Variants in TCF4 observed in about 807,000 individuals in gnomAD.
The protein encoded by TCF4 is SL3-3 enhancer factor 2.
TCF4 carries 3 observed loss-of-function variants against 82.1 expected under a neutral mutation model. The ratio of observed to expected loss-of-function variants is 0.04; its 90% CI spans 0.02 to 0.09. The LOEUF is 0.09. TCF4 is among the 10% of genes least tolerant of loss of function. The probability of loss-of-function intolerance (pLI) is 1.00; values close to 1 mark genes in which losing one functional copy is unlikely to be tolerated. For missense variants in TCF4, 518 were observed against 852.7 expected (o/e 0.61, Z 4.89); for synonymous variants, 276 against 309.6 (o/e 0.89, Z 1.14).
At chr18:55,252,525 TC>T (rs1293581412) in intron 15 of TCF4, among the ~76,000 whole-genome samples, 1 of 152,224 alleles carries the variant, frequency 6.6e-6, no homozygotes, top group African/African-American at 2.4e-5. Context: ...AGTCTTTTCC[TC>T]CCATCCCACC....
At chr18:55,244,027 CCAAA>C (rs2052222362) in intron 15 of TCF4, among the ~76,000 whole-genome samples, 2 of 152,110 alleles carry the variant, frequency 1.3e-5, no homozygotes, top group Admixed American at 6.5e-5. Context: ...AGCCAACTTC[CCAAA>C]CAAATTTTCT....
chr18:55,534,127 A>G (rs1246519634), intron 3 of TCF4, among the ~76,000 whole-genome samples: 2 of 152,230 alleles, frequency 1.3e-5, no homozygotes, highest in Non-Finnish European at 1.5e-5. Flanking sequence ...TTTACAAAAT[A>G]TTTTTGATAA....
chr18:55,320,426 C>T lies in TCF4; in HGVS notation c.549+29933G>A, dbSNP rs1450958005. ...AGTAAACGATATTATTTCAAGTTGC[C>T]CATTCATAAAACTGGCTTCTTAAAT... On this transcript the variant is annotated intron_variant, in intron 8 of 19. Transcript: ENST00000354452. Among the ~76,000 whole-genome samples, 3 of 152,112 alleles carry T rather than the reference C, an allele frequency of 2.0e-5. No homozygotes were observed. In the East Asian group the frequency reaches 5.8e-4, roughly 29 times the overall value.
chr18:55,246,362 T>C (rs1047746132), intron 15 of TCF4, among the ~76,000 whole-genome samples: 3 of 152,090 alleles, frequency 2.0e-5, no homozygotes, highest in Admixed American at 6.6e-5. Context: ...CTAGGATTTG[T>C]TTGTCCTAGG....
At chr18:55,340,642 G>A (rs926752580) in intron 8 of TCF4, among the ~76,000 whole-genome samples, 3 of 149,878 alleles carry the variant, frequency 2.0e-5, no homozygotes, top group African/African-American at 7.4e-5. Context: ...AGTGACCTCT[G>A]TTAGGTAAAA....
chr18:55,253,886 C>T (rs2056009590), intron 15 of TCF4, among the ~76,000 whole-genome samples: 1 of 151,982 alleles, frequency 6.6e-6, no homozygotes, highest in Admixed American at 6.6e-5. Flanking sequence ...TTTCAAACAC[C>T]AACAATGACC....
chr18:55,468,407 A>G (rs1044857772), intron 3 of TCF4, among the ~76,000 whole-genome samples: 33 of 152,216 alleles, frequency 2.2e-4, no homozygotes, highest in African/African-American at 7.5e-4. Flanking sequence ...CCTGGTATTA[A>G]GCCAGACAGA....
intron 8 of TCF4, among the ~76,000 whole-genome samples, chr18:55,307,865 A>G (rs1305436340): frequency 2.0e-5 from 3 of 152,190 alleles, no homozygotes; most frequent in African/African-American, 7.2e-5. Flanking sequence ...CGAGAGGATG[A>G]TGGGGAAAGC....
chr18:55,259,711 C>T, intron 13 of TCF4: 1 of 508,704 alleles, frequency 2.0e-6, no homozygotes, highest in Non-Finnish European at 3.5e-6. Context: ...AATACATTTT[C>T]CATATGCCTG....
At chr18:55,259,262 GAC>G (rs1600479321) in intron 13 of TCF4, among the ~76,000 whole-genome samples, 1 of 152,248 alleles carries the variant, frequency 6.6e-6, no homozygotes, top group East Asian at 1.9e-4. Context: ...AAAGAGCAGA[GAC>G]ATGAACCAAG....
At chr18:55,356,600 T>A (rs1275439954) in intron 6 of TCF4, among the ~76,000 whole-genome samples, 2 of 152,218 alleles carry the variant, frequency 1.3e-5, no homozygotes, top group Non-Finnish European at 2.9e-5. Context: ...TTATATGCGA[T>A]AGAATTTCAT....
At chr18:55,294,238 C>T (rs546174866) in intron 8 of TCF4, among the ~76,000 whole-genome samples, 8 of 149,468 alleles carry the variant, frequency 5.4e-5, no homozygotes, top group Non-Finnish European at 1.2e-4. Context: ...CCAGCCTGGG[C>T]GACAGAGTGA....
intron 5 of TCF4, chr18:55,423,424 C>CGG (rs2094852365): frequency 1.5e-5 from 2 of 130,218 alleles, no homozygotes. Context: ...CACACGCGCG[C>CGG]GCGCACACAC....
At chr18:55,257,030 C>T (rs550309856) in intron 14 of TCF4, among the ~76,000 whole-genome samples, 6 of 152,204 alleles carry the variant, frequency 3.9e-5, no homozygotes, top group Non-Finnish European at 5.9e-5. Context: ...TAATCATTGA[C>T]AGGGATCTTT....
chr18:55,228,791 C>T, intron 18 of TCF4, 56 bp downstream of exon 18: 2 of 1,593,254 alleles, frequency 1.3e-6, no homozygotes, highest in East Asian at 4.5e-5. Context: ...CCCATCTCAG[C>T]TTGTGCCTGC....
At chr18:55,595,440 T>G (rs1308890346) in intron 2 of TCF4, among the ~76,000 whole-genome samples, 2 of 152,198 alleles carry the variant, frequency 1.3e-5, no homozygotes, top group Non-Finnish European at 2.9e-5. Flanking sequence ...TTTGTATCCT[T>G]AAGACCCAAC....
At chr18:55,495,951 C>T (rs1217616844) in intron 3 of TCF4, 3 of 152,152 alleles carry the variant, frequency 2.0e-5, no homozygotes, top group African/African-American at 7.2e-5. Flanking sequence ...AGGCAAGAAT[C>T]ATTTCCAAGA....
At chr18:55,256,715 A>G (rs572471930) in intron 14 of TCF4, among the ~76,000 whole-genome samples, 6 of 152,204 alleles carry the variant, frequency 3.9e-5, no homozygotes, top group Non-Finnish European at 7.3e-5. Flanking sequence ...AATGCTGCAC[A>G]ACCAGCATTG....
At chr18:55,629,451 A>G (rs1016221779) in intron 2 of TCF4, among the ~76,000 whole-genome samples, 1 of 152,222 alleles carries the variant, frequency 6.6e-6, no homozygotes, top group Non-Finnish European at 1.5e-5. Context: ...AAGATCATAA[A>G]CATAATACCA....
Sources: allele counts gnomAD v4.1 joint callset (sites outside exome capture counted in the v4.1 genomes callset), GRCh38; gene constraint gnomAD v4.1.1; transcripts MANE v1.5; gene names NCBI Gene and HGNC (gene_info 2026-07-23, HGNC 2026-07-21).